Variants in BCAS3 observed in about 807,000 individuals in gnomAD.
The protein encoded by BCAS3 is BCAS3 microtubule associated cell migration factor.
A neutral mutation model predicts 116.1 loss-of-function variants in BCAS3; 53 were observed. The ratio of observed to expected loss-of-function variants is 0.46; its 90% CI spans 0.37 to 0.57. The LOEUF is 0.57. BCAS3 is among the 20% of genes least tolerant of loss of function. BCAS3 has a pLI of 0.00. For synonymous variants in BCAS3, 391 were observed against 408.2 expected (o/e 0.96, Z 0.51); for missense variants, 917 against 1,165.4 (o/e 0.79, Z 3.10).
rs1037525542 is a variant in BCAS3, at chr17:61,188,846, C to T, written c.2425+104282C>T. On this transcript the variant is annotated intron_variant, in intron 22 of 23. Coordinates refer to ENST00000407086, the MANE Select transcript of BCAS3 (RefSeq NM_017679.5). The surrounding 1 kb of genome is among the most constrained non-coding windows in gnomAD (Gnocchi z 4.0). ...GGCATACTTGCCGGGCATGGTGGCT[C>T]ATGCCTATAATCCCAGCACGTTGGG... Among the ~76,000 whole-genome samples, 5 of 152,164 alleles carry T rather than the reference C, an allele frequency of 3.3e-5. No homozygotes were observed. Among genetic ancestry groups the T allele is most frequent in the Non-Finnish European group, 7.3e-5 (5 of 68,032 alleles).
rs540092563 is a variant in BCAS3 at position 61,356,498 on chromosome 17, G to A, written c.2426-11829G>A. ...GTTTGTTCTGAATGTGGAGCCAGTC[G>A]AGATTCTCCTTACTGGGACCTACAC... is the stretch of plus-strand genomic sequence containing the variant. On this transcript the variant is annotated intron_variant, in intron 22 of 23. Transcript: ENST00000407086. The surrounding 1 kb of genome is among the most constrained non-coding windows in gnomAD (Gnocchi z 5.4). 2.6e-5 allele frequency among the ~76,000 whole-genome samples: 4 copies of A among 152,282 alleles called. No individual in the cohort carries two copies. The highest frequency in any genetic ancestry group is 7.2e-5 in the African/African-American group (3 of 41,558).
rs2080617226 is a variant in BCAS3 at position 61,198,314 on chromosome 17, G to C, written c.2425+113750G>C. On this transcript the variant is annotated intron_variant, in intron 22 of 23. Coordinates refer to ENST00000407086, the MANE Select transcript of BCAS3 (RefSeq NM_017679.5). The surrounding 1 kb of genome is among the most constrained non-coding windows in gnomAD (Gnocchi z 5.0). ...AGCCACCACACCCAGCTAATTTTTT[G>C]CATTTTTAGTAGAGATGGGGTTTCA... 6.6e-6 allele frequency among the ~76,000 whole-genome samples: 1 copy of C among 151,776 alleles called. No homozygotes were observed. Among genetic ancestry groups the C allele is most frequent in the Admixed American group, 6.6e-5 (1 of 15,232 alleles).
At chr17:60,851,053 C>T (rs73318691) in intron 7 of BCAS3, among the ~76,000 whole-genome samples, 7,026 of 152,046 alleles carry the variant, frequency 0.046, 519 homozygotes, top group African/African-American at 0.16. Context: ...AGTACAACAC[C>T]GAAAGCGCAA....
In BCAS3 at chr17:61,199,887, C is replaced by CCT. The variant is rs1429997369; in HGVS notation, c.2425+115326_2425+115327dup. 1.3e-5 allele frequency among the ~76,000 whole-genome samples: 2 copies of CCT among 152,162 alleles called. No individual in the cohort carries two copies. Among genetic ancestry groups the CCT allele is most frequent in the Non-Finnish European group, 2.9e-5 (2 of 68,018 alleles). ...TTACTGCAGGGCCCTAGGGTCATAA[C>CCT]CTCTTAACCTTACGGGTTATAGGTC... On this transcript the variant is annotated intron_variant, in intron 22 of 23. Transcript: ENST00000407086. The surrounding 1 kb of genome is among the most constrained non-coding windows in gnomAD (Gnocchi z 4.6).
chr17:60,696,142 G>C (rs971254551), intron 4 of BCAS3, among the ~76,000 whole-genome samples: 3 of 152,200 alleles, frequency 2.0e-5, no homozygotes, highest in African/African-American at 7.2e-5. Context: ...CTCAGTCTGA[G>C]TCACTCTCCC....
At chr17:61,135,487 A>G (rs1190936548) in intron 22 of BCAS3, among the ~76,000 whole-genome samples, 1 of 152,238 alleles carries the variant, frequency 6.6e-6, no homozygotes, top group African/African-American at 2.4e-5. Flanking sequence ...ATTTAGCTGG[A>G]AATAGCCAGA....
At chr17:60,886,505 G>A (rs1190113777) in intron 9 of BCAS3, 2 of 152,178 alleles carry the variant, frequency 1.3e-5, no homozygotes, top group East Asian at 3.9e-4. Flanking sequence ...CGTTCCTTTG[G>A]AGGAGGAGAG....
intron 6 of BCAS3, among the ~76,000 whole-genome samples, chr17:60,776,673 C>T (rs952202740): frequency 2.7e-5 from 4 of 147,648 alleles, no homozygotes; most frequent in East Asian, 2.0e-4. Context: ...GAGCCGAGAT[C>T]GCACCACTGT....
intron 22 of BCAS3, among the ~76,000 whole-genome samples, chr17:61,295,777 C>T (rs1002161145): frequency 6.6e-6 from 1 of 151,100 alleles, no homozygotes; most frequent in Non-Finnish European, 1.5e-5. Flanking sequence ...ATGGTGAAAC[C>T]CCCGTCTCTA....
chr17:61,097,336 G>A lies in BCAS3; in HGVS notation c.2425+12772G>A, dbSNP rs371291776. On this transcript the variant is annotated intron_variant, in intron 22 of 23. Transcript: ENST00000407086. The surrounding 1 kb of genome is among the most constrained non-coding windows in gnomAD (Gnocchi z 4.0). The stretch of plus-strand genomic sequence containing the variant: ...TGGGACTACAGGCGCCCGCCACCAC[G>A]CCTGGCTAATTTTTTGTATTTTTAA... 1.3e-5 allele frequency among the ~76,000 whole-genome samples: 2 copies of A among 151,958 alleles called. No individual in the cohort carries two copies. The highest frequency in any genetic ancestry group is 1.9e-4 in the East Asian group (1 of 5,186).
chr17:61,077,545 A>C lies in BCAS3; in HGVS notation c.2131-788A>C, dbSNP rs1040791586. 6.6e-6 allele frequency among the ~76,000 whole-genome samples: 1 copy of C among 152,240 alleles called. No individual in the cohort carries two copies. Among genetic ancestry groups the C allele is most frequent in the Admixed American group, 6.5e-5 (1 of 15,280 alleles). On this transcript the variant is annotated intron_variant, in intron 20 of 23. Transcript: ENST00000407086. The surrounding 1 kb of genome is among the most constrained non-coding windows in gnomAD (Gnocchi z 4.3). ...AAAAAAATGAAATAAAATAAATAAA[A>C]TAAAATATTGGCAACATTCCCTATC...
intron 10 of BCAS3, among the ~76,000 whole-genome samples, chr17:60,892,309 C>CT (rs1178345376): frequency 3.4e-5 from 5 of 145,912 alleles, no homozygotes; most frequent in African/African-American, 7.9e-5. Context: ...TTGTTTTTGA[C>CT]TTATTTTTTT....
chr17:61,345,991 T>C (rs1402222559), intron 22 of BCAS3, among the ~76,000 whole-genome samples: 1 of 152,090 alleles, frequency 6.6e-6, no homozygotes, highest in Non-Finnish European at 1.5e-5. Flanking sequence ...AAGGTGAAGG[T>C]CGTTGGTGTG....
chr17:61,035,646 G>T (rs1223076283), intron 17 of BCAS3, among the ~76,000 whole-genome samples: 1 of 151,168 alleles, frequency 6.6e-6, no homozygotes, highest in East Asian at 1.9e-4. Context: ...AGCTTTTGTG[G>T]TTACCATTGC....
chr17:60,942,864 T>C (rs2145229676), intron 13 of BCAS3, among the ~76,000 whole-genome samples: 1 of 152,236 alleles, frequency 6.6e-6, no homozygotes, highest in Middle Eastern at 3.4e-3. Context: ...AAGGTAAACG[T>C]AGAAACCATC....
rs984564650 is a variant in BCAS3, at chr17:61,349,004, A to G, written c.2426-19323A>G. Among the ~76,000 whole-genome samples the G allele has an allele frequency of 3.3e-5, 5 of 151,830 alleles. No homozygotes were observed. Among genetic ancestry groups the G allele is most frequent in the Non-Finnish European group, 2.9e-5 (2 of 67,958 alleles). On this transcript the variant is annotated intron_variant, in intron 22 of 23. Coordinates refer to ENST00000407086, the MANE Select transcript of BCAS3 (RefSeq NM_017679.5). The surrounding 1 kb of genome is among the most constrained non-coding windows in gnomAD (Gnocchi z 4.7). ...CCTGACCTCATGATCCACCCACCTC[A>G]GCCTCCCAAAGTGCTGGGATTACAG...
chr17:61,373,889 A>G (rs1177161106), intron 23 of BCAS3, among the ~76,000 whole-genome samples: 2 of 122,466 alleles, frequency 1.6e-5, no homozygotes, highest in Non-Finnish European at 3.2e-5. Flanking sequence ...CCTCCACCTC[A>G]TGGGTTCAAG....
At chr17:61,107,738 A>G (rs2143706515) in intron 22 of BCAS3, among the ~76,000 whole-genome samples, 1 of 152,298 alleles carries the variant, frequency 6.6e-6, no homozygotes, top group Admixed American at 6.5e-5. Flanking sequence ...GATGTCGCAC[A>G]GTTTAGTTAA....
At chr17:61,305,009 G>A (rs2053739947) in intron 22 of BCAS3, among the ~76,000 whole-genome samples, 1 of 152,096 alleles carries the variant, frequency 6.6e-6, no homozygotes, top group African/African-American at 2.4e-5. Flanking sequence ...CGCCCGCCTC[G>A]GCCTCCCAAT....
Sources: allele counts gnomAD v4.1 joint callset (sites outside exome capture counted in the v4.1 genomes callset), GRCh38; gene constraint gnomAD v4.1.1; non-coding constraint Gnocchi (gnomAD v3.1); transcripts MANE v1.5; gene names NCBI Gene and HGNC (gene_info 2026-07-23, HGNC 2026-07-21).